Variants in ACOXL observed in about 807,000 individuals in gnomAD.
ACOXL encodes the protein acyl-coenzyme A oxidase-like protein.
A neutral mutation model predicts 71.9 loss-of-function variants in ACOXL; 70 were observed. That is an observed-to-expected ratio of 0.97 (90% CI 0.80 to 1.19). ACOXL has a LOEUF of 1.19. Among genes scored for constraint, ACOXL ranks in the 50% most tolerant of loss-of-function variants. ACOXL has a pLI of 0.00. For missense variants in ACOXL, 703 were observed against 736.3 expected, an observed-to-expected ratio of 0.95 and a Z score of 0.52; for synonymous variants, 253 against 281.6, an observed-to-expected ratio of 0.90 and a Z score of 1.02.
intron 1 of ACOXL, among the ~76,000 whole-genome samples, chr2:110,764,513 G>T (rs1195361050): frequency 6.6e-6 from 1 of 152,154 alleles, no homozygotes; most frequent in African/African-American, 2.4e-5. Context: ...GTTGGGGGAG[G>T]CATGGCACAG....
intron 1 of ACOXL, among the ~76,000 whole-genome samples, chr2:110,750,069 C>T (rs1678724089): frequency 6.6e-6 from 1 of 152,156 alleles, no homozygotes; most frequent in African/African-American, 2.4e-5. Flanking sequence ...TGGCTTATCC[C>T]TGGTGATGTT....
rs145651207 is a variant in ACOXL, at chr2:110,913,002, A to C, written c.905+4097A>C. On this transcript the variant is annotated intron_variant, in intron 11 of 17. Coordinates refer to ENST00000439055, the MANE Select transcript of ACOXL (RefSeq NM_001142807.4). ...GTACAAATAACCAATAAGCACATGA[A>C]AAAGTTCTAAAAGTCATTATTTGTC... Among the ~76,000 whole-genome samples the C allele has an allele frequency of 2.0e-3, 307 of 152,324 alleles. 2 individuals are homozygous for C. Among genetic ancestry groups the C allele is most frequent in the African/African-American group, 7.2e-3 (298 of 41,574 alleles).
intron 10 of ACOXL, among the ~76,000 whole-genome samples, chr2:110,882,385 CT>C (rs1412253419): frequency 2.6e-5 from 4 of 152,110 alleles, no homozygotes; most frequent in Non-Finnish European, 5.9e-5. Context: ...TCAGATATGC[CT>C]TTTGCAAATA....
chr2:110,892,354 CT>C (rs1245162767), intron 10 of ACOXL, among the ~76,000 whole-genome samples: 1 of 152,166 alleles, frequency 6.6e-6, no homozygotes, highest in African/African-American at 2.4e-5. Flanking sequence ...GCAGATTAAT[CT>C]GTGGCTGAGG....
At chr2:110,978,017 TTC>T (rs1157771390) in intron 12 of ACOXL, among the ~76,000 whole-genome samples, 2 of 152,168 alleles carry the variant, frequency 1.3e-5, no homozygotes, top group African/African-American at 4.8e-5. Context: ...GATGTAGGTT[TTC>T]TATGATTTAA....
rs531338650 is a variant in ACOXL, at chr2:111,105,236, T to C, written c.1542+12270T>C. Among the ~76,000 whole-genome samples the C allele has an allele frequency of 5.3e-5, 8 of 152,280 alleles. No homozygotes were observed. The South Asian group carries it at 1.0e-3, about 20-fold the overall frequency. On this transcript the variant is annotated intron_variant, in intron 17 of 17. Transcript: ENST00000439055. Reference sequence around the variant, plus strand: ...CAATACCACATGGTCTTAATTAATATAGTTACATAAGTCTTAAAATATGGT... The same window carrying C: ...CAATACCACATGGTCTTAATTAATACAGTTACATAAGTCTTAAAATATGGT...
In ACOXL at chr2:110,805,395, G is replaced by T. The variant is rs1686512659; in HGVS notation, c.753G>T (p.Lys251Asn). 6.2e-7 allele frequency: 1 copy of T among 1,614,218 alleles called. No homozygotes were observed. Among genetic ancestry groups the T allele is most frequent in the Non-Finnish European group, 8.5e-7 (1 of 1,180,036 alleles). Residue 251 changes from lysine (K) to asparagine (N), a missense_variant and splice_region_variant, in exon 9 of 18, where the codon AAG (lysine) becomes AAT (asparagine). Coordinates refer to ENST00000439055, the MANE Select transcript of ACOXL (RefSeq NM_001142807.4). Reference sequence around the variant, plus strand: ...CTTTCCAAGCTATGGGTGCCATGAAGGTAATTGACTCTGATTTTAACTTAA... The same window carrying T: ...CTTTCCAAGCTATGGGTGCCATGAATGTAATTGACTCTGATTTTAACTTAA... The part of the protein sequence containing the change: ...AVAFQAMGAM[K>N]LGLTIAIRYS...
At chr2:110,810,324 C>T (rs1687153073) in intron 9 of ACOXL, among the ~76,000 whole-genome samples, 1 of 152,204 alleles carries the variant, frequency 6.6e-6, no homozygotes, top group African/African-American at 2.4e-5. Flanking sequence ...TCATTACTAA[C>T]ACAATCTTTA....
At chr2:110,960,140 G>T (rs748934229) in intron 12 of ACOXL, among the ~76,000 whole-genome samples, 1 of 152,182 alleles carries the variant, frequency 6.6e-6, no homozygotes, top group African/African-American at 2.4e-5. Flanking sequence ...CCCCATGGAG[G>T]TCTGAGGGGA....
chr2:111,045,060 C>T (rs1390013538), intron 15 of ACOXL, among the ~76,000 whole-genome samples: 3 of 152,222 alleles, frequency 2.0e-5, no homozygotes, highest in Non-Finnish European at 4.4e-5. Flanking sequence ...CAGCCTCCCA[C>T]TACTGACATG....
In ACOXL at chr2:110,931,955, T is replaced by C. The variant is rs187972122; in HGVS notation, c.906-1534T>C. 3.3e-5 allele frequency among the ~76,000 whole-genome samples: 5 copies of C among 152,370 alleles called. No homozygotes were observed. In the East Asian group the frequency reaches 9.6e-4, roughly 29 times the overall value. On this transcript the variant is annotated intron_variant, in intron 11 of 17. Transcript: ENST00000439055. ...TCAAGAGAAATGAAGACATGTATTT[T>C]CTCTAAGAATTGTACATGAATTTTC...
In ACOXL at chr2:110,933,704, C is replaced by T. The variant is rs985477023; in HGVS notation, c.1059+62C>T. The T allele has an allele frequency of 1.7e-5, 26 of 1,522,456 alleles. No homozygotes were observed. The African/African-American group carries it at 2.5e-4, about 14-fold the overall frequency. The allele number at this position is 1,522,456 out of a possible 1,614,324, so 94.3% of individuals were successfully genotyped here. ...CGATACAACCCACACTGGGGGAGCA[C>T]TGTGGGGCGGGCAGATAACATGCTT... On this transcript the variant is annotated intron_variant, in intron 12 of 17. Coordinates refer to ENST00000439055, the MANE Select transcript of ACOXL (RefSeq NM_001142807.4).
chr2:110,973,402 A>C lies in ACOXL; in HGVS notation c.1060-13706A>C, dbSNP rs149488957. Reference sequence around the variant, plus strand: ...GCCTTTGAGAGGTGATTAGGTCACGATCACGCTGCCCTCATGGGTGGGGTT... The same window carrying C: ...GCCTTTGAGAGGTGATTAGGTCACGCTCACGCTGCCCTCATGGGTGGGGTT... On this transcript the variant is annotated intron_variant, in intron 12 of 17. Transcript: ENST00000439055. Among the ~76,000 whole-genome samples the C allele has an allele frequency of 1.6e-3, 243 of 152,232 alleles. 1 individual carries two copies. The highest frequency in any genetic ancestry group is 5.5e-3 in the African/African-American group (230 of 41,538).
intron 11 of ACOXL, among the ~76,000 whole-genome samples, chr2:110,911,654 ATCAAGTACCTTT>A (rs900063424): frequency 6.6e-6 from 1 of 152,130 alleles, no homozygotes; most frequent in African/African-American, 2.4e-5. Context: ...ATTTGACAGA[ATCAAGTACCTTT>A]TCATGATAAA....
chr2:111,013,040 C>A (rs933401921), intron 14 of ACOXL, among the ~76,000 whole-genome samples: 14 of 152,022 alleles, frequency 9.2e-5, no homozygotes, highest in African/African-American at 2.9e-4. Flanking sequence ...TGATCCCTAG[C>A]AAGACTGATC....
At chr2:111,079,731 AT>A (rs2067795233) in intron 16 of ACOXL, among the ~76,000 whole-genome samples, 1 of 152,082 alleles carries the variant, frequency 6.6e-6, no homozygotes, top group Non-Finnish European at 1.5e-5. Flanking sequence ...GTGTCCAGAA[AT>A]TATGGCTGCA....
At chr2:110,801,943 A>C (rs2105336628) in intron 8 of ACOXL, among the ~76,000 whole-genome samples, 1 of 152,372 alleles carries the variant, frequency 6.6e-6, no homozygotes. Flanking sequence ...AATGACTGTT[A>C]CACTTCAATA....
intron 12 of ACOXL, among the ~76,000 whole-genome samples, chr2:110,986,696 T>C (rs896638173): frequency 7.2e-5 from 11 of 152,184 alleles, no homozygotes; most frequent in Non-Finnish European, 1.2e-4. Flanking sequence ...ATAGAGATTG[T>C]TTTATTTGTG....
At chr2:110,957,098 A>C (rs533930593) in intron 12 of ACOXL, among the ~76,000 whole-genome samples, 38 of 152,086 alleles carry the variant, frequency 2.5e-4, no homozygotes, top group African/African-American at 8.9e-4. Context: ...GGAATAAAGT[A>C]AGCTCACGGA....
Sources: gnomAD v4.1 joint callset for allele counts (sites outside exome capture counted in the v4.1 genomes callset) on GRCh38, gnomAD v4.1.1 for gene constraint, MANE v1.5 for transcripts, NCBI Gene and HGNC (gene_info 2026-07-23, HGNC 2026-07-21) for gene names.